Variants in FGFR2 observed in about 807,000 individuals in gnomAD.
The protein encoded by FGFR2 is fibroblast growth factor receptor 2.
FGFR2 carries 19 observed loss-of-function variants against 95.9 expected under a neutral mutation model. The observed-to-expected ratio is 0.20, with a 90% CI of 0.14 to 0.29. The LOEUF (loss-of-function observed/expected upper bound fraction) is 0.29, where lower values mean the gene tolerates loss of function less well. FGFR2 is among the 10% of genes least tolerant of loss of function. The probability of loss-of-function intolerance (pLI) is 1.00; values close to 1 mark genes in which losing one functional copy is unlikely to be tolerated. For missense variants in FGFR2, 707 were observed against 1,056.9 expected (o/e 0.67, Z 4.59); for synonymous variants, 392 against 393.3 (o/e 1.00, Z 0.04).
At position 121,496,815 on chromosome 10, in the gene FGFR2, C is replaced by CTT. The variant is rs372610391; in HGVS notation, c.1673-95_1673-94dup. ...ACATTTTTAGTTATTACAACCCATG[C>CTT]TTTTTTTTTTTTTTTTAAAGTTTAA... On this transcript the variant is annotated intron_variant, in intron 12 of 17. Transcript: ENST00000358487. 542 of 873,250 alleles carry CTT rather than the reference C, an allele frequency of 6.2e-4. 1 individual carries two copies. Among genetic ancestry groups the CTT allele is most frequent in the East Asian group, 1.1e-3 (43 of 38,360 alleles). 54.1% of individuals were successfully genotyped at this position (873,250 alleles called of 1,614,324 possible).
At chr10:121,596,403 A>G (rs2135519997) in intron 1 of FGFR2, 1 of 197,230 alleles carries the variant, frequency 5.1e-6, no homozygotes, top group Non-Finnish European at 1.1e-5. Flanking sequence ...AAGGCAGACC[A>G]ATACAGTGCC....
chr10:121,493,380 C>G (rs762657713), intron 13 of FGFR2, among the ~76,000 whole-genome samples: 25 of 152,192 alleles, frequency 1.6e-4, no homozygotes, highest in Admixed American at 1.2e-3. Context: ...CAGGAAGGAG[C>G]TCTGGGTCCT....
intron 2 of FGFR2, among the ~76,000 whole-genome samples, chr10:121,579,687 G>A (rs1052339186): frequency 6.6e-6 from 1 of 152,120 alleles, no homozygotes; most frequent in Non-Finnish European, 1.5e-5. Context: ...CTTGAGATGA[G>A]AACCCCAGCA....
intron 5 of FGFR2, among the ~76,000 whole-genome samples, chr10:121,539,970 T>C (rs1853450334): frequency 6.6e-6 from 1 of 152,024 alleles, no homozygotes; most frequent in African/African-American, 2.4e-5. Flanking sequence ...CACACTGGAG[T>C]GCCACGGTTT....
At chr10:121,554,671 G>C (rs1479237252) in intron 4 of FGFR2, among the ~76,000 whole-genome samples, 1 of 151,848 alleles carries the variant, frequency 6.6e-6, no homozygotes, top group Non-Finnish European at 1.5e-5. Context: ...GCGCCCGGCT[G>C]GAACTCTTTT....
chr10:121,481,847 T>TTTTTTTC (rs1844757854), intron 17 of FGFR2: 1 of 188,792 alleles, frequency 5.3e-6, no homozygotes, highest in African/African-American at 2.5e-5. Flanking sequence ...TTTATTTTTT[T>TTTTTTTC]TTTTTTTGAG....
chr10:121,508,738 T>A (rs1371508041), intron 9 of FGFR2, among the ~76,000 whole-genome samples: 1 of 152,184 alleles, frequency 6.6e-6, no homozygotes, highest in East Asian at 1.9e-4. Flanking sequence ...ACCTGGAAAA[T>A]ACTTTTATAA....
chr10:121,556,603 C>T (rs933774920), intron 4 of FGFR2, among the ~76,000 whole-genome samples: 1 of 152,170 alleles, frequency 6.6e-6, no homozygotes, highest in African/African-American at 2.4e-5. Flanking sequence ...AGCCAGAGGC[C>T]GGGCTGAGGC....
At chr10:121,493,101 CAT>C (rs1238926092) in intron 13 of FGFR2, among the ~76,000 whole-genome samples, 1 of 152,192 alleles carries the variant, frequency 6.6e-6, no homozygotes, top group East Asian at 1.9e-4. Context: ...GCTGCTTCCT[CAT>C]CGTCCTCCCC....
At chr10:121,559,518 T>A (rs1856651582) in intron 4 of FGFR2, among the ~76,000 whole-genome samples, 1 of 152,230 alleles carries the variant, frequency 6.6e-6, no homozygotes, top group African/African-American at 2.4e-5. Flanking sequence ...CACTAACAGA[T>A]GGCAGAGGCC....
At chr10:121,481,999 G>A (rs971482933) in intron 17 of FGFR2, 19 of 503,434 alleles carry the variant, frequency 3.8e-5, no homozygotes, top group Non-Finnish European at 6.1e-5. Context: ...CAACACGCCC[G>A]GCTAATTTTT....
chr10:121,570,212 C>T (rs1440515792), intron 2 of FGFR2, among the ~76,000 whole-genome samples: 2 of 152,254 alleles, frequency 1.3e-5, no homozygotes, highest in African/African-American at 4.8e-5. Context: ...GGTCCATTTG[C>T]CGTCCACAGG....
chr10:121,575,830 G>A (rs548486154), intron 2 of FGFR2, among the ~76,000 whole-genome samples: 6 of 146,226 alleles, frequency 4.1e-5, no homozygotes, highest in Admixed American at 1.4e-4. Context: ...CACTCCAGCC[G>A]GGTGACAGAG....
intron 4 of FGFR2, among the ~76,000 whole-genome samples, chr10:121,551,744 C>A (rs1445554361): frequency 6.6e-6 from 1 of 151,856 alleles, no homozygotes; most frequent in Non-Finnish European, 1.5e-5. Flanking sequence ...TAATTTCATG[C>A]CAAATCATGT....
chr10:121,503,867 C>T lies in FGFR2; in HGVS notation c.1362G>A (p.Thr454=), dbSNP rs200183009. Residue 454 remains threonine (T), a synonymous_variant, in exon 10 of 18, where the codon ACG becomes ACA. Transcript: ENST00000358487. The part of the protein sequence containing the change: ...LVRITTRLSS[T]ADTPMLAGVS... The stretch of plus-strand genomic sequence containing the variant: ...CCCCTGCCAGCATGGGGGTGTCTGC[C>T]GTTGAAGAGAGGCGTGTTGTTATCC... 49 of 1,614,104 alleles carry T rather than the reference C, an allele frequency of 3.0e-5. No individual in the cohort carries two copies. The highest frequency in any genetic ancestry group is 2.7e-4 in the African/African-American group (20 of 75,030).
chr10:121,565,404 G>A lies in FGFR2; in HGVS notation c.376+34C>T, dbSNP rs202245417. ...GCCAAAAAAATGTAATGGCTACAGA[G>A]AAGAGAGAGCATAGTGCTGGCGGGC... On this transcript the variant is annotated intron_variant, in intron 3 of 17. Coordinates refer to ENST00000358487, the MANE Select transcript of FGFR2 (RefSeq NM_000141.5). 5.6e-5 allele frequency: 90 copies of A among 1,613,094 alleles called. No individual in the cohort carries two copies. In the African/African-American group the frequency reaches 8.7e-4, roughly 16 times the overall value.
intron 2 of FGFR2, among the ~76,000 whole-genome samples, 175 bp downstream of exon 2, chr10:121,593,534 C>T (rs554670310): frequency 2.0e-5 from 3 of 152,260 alleles, no homozygotes; most frequent in Admixed American, 6.5e-5. Context: ...TGCAGTGCTG[C>T]GGCAAAGGAC....
chr10:121,574,761 G>A (rs1232184357), intron 2 of FGFR2, among the ~76,000 whole-genome samples: 1 of 152,126 alleles, frequency 6.6e-6, no homozygotes, highest in African/African-American at 2.4e-5. Context: ...TAGGTACTAC[G>A]TGTTCTTTAA....
In FGFR2 at chr10:121,488,167, C is replaced by T. The variant is rs1564859513; in HGVS notation, c.1864-54G>A. 1.1e-5 allele frequency: 18 copies of T among 1,605,574 alleles called. 1 individual carries two copies. The South Asian group carries it at 1.9e-4, about 17-fold the overall frequency. Reference sequence around the variant, plus strand: ...AACTAATTTCAAAACACCGCCAGAACAAAAAGGAAATATGTTCATTTCTTA... The same window carrying T: ...AACTAATTTCAAAACACCGCCAGAATAAAAAGGAAATATGTTCATTTCTTA... On this transcript the variant is annotated intron_variant, in intron 13 of 17. Coordinates refer to ENST00000358487, the MANE Select transcript of FGFR2 (RefSeq NM_000141.5).
Sources: allele counts gnomAD v4.1 joint callset (sites outside exome capture counted in the v4.1 genomes callset), GRCh38; gene constraint gnomAD v4.1.1; transcripts MANE v1.5; gene names NCBI Gene and HGNC (gene_info 2026-07-23, HGNC 2026-07-21).